The following NKAIN2 variants were observed in gnomAD, a reference collection of about 807,000 sequenced individuals.
NKAIN2 encodes the protein sodium/potassium transporting ATPase interacting 2.
Under a neutral mutation model 32.6 loss-of-function variants are expected in NKAIN2, and 14 were observed. That is an observed-to-expected ratio of 0.43 (90% CI 0.28 to 0.67). The LOEUF is 0.67. Ranked by LOEUF, NKAIN2 falls within the 30% of genes least tolerant of loss-of-function variation. NKAIN2 has a pLI of 0.17. For synonymous variants in NKAIN2, 80 were observed against 87.2 expected (o/e 0.92, Z 0.46); for missense variants, 198 against 258.3 (o/e 0.77, Z 1.60).
intron 1 of NKAIN2, among the ~76,000 whole-genome samples, chr6:123,920,726 T>A (rs1775713143): frequency 6.6e-6 from 1 of 152,212 alleles, no homozygotes; most frequent in South Asian, 2.1e-4. Context: ...CAACTTCAGA[T>A]AGGACCAAAA....
intron 4 of NKAIN2, among the ~76,000 whole-genome samples, chr6:124,706,866 G>C (rs1455689616): frequency 6.6e-6 from 1 of 151,822 alleles, no homozygotes; most frequent in East Asian, 1.9e-4. Flanking sequence ...TATACTTTAA[G>C]TTTTAGGGTA....
At chr6:124,342,476 C>A (rs139287771) in intron 2 of NKAIN2, among the ~76,000 whole-genome samples, 9 of 150,238 alleles carry the variant, frequency 6.0e-5, no homozygotes, top group Admixed American at 1.3e-4. Context: ...AATTCTAAAC[C>A]TTTTTCTTGC....
At chr6:124,287,635 A>C (rs1795616129) in intron 2 of NKAIN2, among the ~76,000 whole-genome samples, 1 of 152,174 alleles carries the variant, frequency 6.6e-6, no homozygotes, top group Non-Finnish European at 1.5e-5. Flanking sequence ...CTTGTATCTC[A>C]ATCACATCAA....
intron 1 of NKAIN2, among the ~76,000 whole-genome samples, chr6:124,261,567 A>G (rs1438771010): frequency 6.6e-6 from 1 of 152,138 alleles, no homozygotes; most frequent in East Asian, 1.9e-4. Context: ...TTGAGGTTTA[A>G]ATGGCAATTT....
chr6:124,344,345 G>C (rs1250700928), intron 2 of NKAIN2, among the ~76,000 whole-genome samples: 4 of 152,034 alleles, frequency 2.6e-5, no homozygotes, highest in Non-Finnish European at 4.4e-5. Context: ...GAATTTTAAA[G>C]TAGTTTTTTC....
intron 1 of NKAIN2, among the ~76,000 whole-genome samples, chr6:124,015,593 C>T (rs1780529894): frequency 1.3e-5 from 2 of 152,102 alleles, no homozygotes; most frequent in Admixed American, 1.3e-4. Context: ...ACAAAAACAC[C>T]GTGAGGTGCT....
chr6:124,194,684 C>A (rs192174253), intron 1 of NKAIN2, among the ~76,000 whole-genome samples: 1 of 152,108 alleles, frequency 6.6e-6, no homozygotes, highest in African/African-American at 2.4e-5. Flanking sequence ...GTACACGATG[C>A]TATATTATGT....
At chr6:124,002,706 C>T (rs930237131) in intron 1 of NKAIN2, among the ~76,000 whole-genome samples, 1 of 151,986 alleles carries the variant, frequency 6.6e-6, no homozygotes, top group Admixed American at 6.6e-5. Context: ...TTCTTTTACG[C>T]CTTTATTGCA....
intron 6 of NKAIN2, among the ~76,000 whole-genome samples, chr6:124,820,837 C>G (rs1389081891): frequency 6.6e-6 from 1 of 152,026 alleles, no homozygotes; most frequent in Non-Finnish European, 1.5e-5. Flanking sequence ...GAATCTAATG[C>G]CTGATGATCT....
intron 1 of NKAIN2, among the ~76,000 whole-genome samples, chr6:123,893,309 T>A (rs1013260971): frequency 6.6e-6 from 1 of 152,170 alleles, no homozygotes; most frequent in Admixed American, 6.5e-5. Context: ...CACATCATCC[T>A]CCTGTCTCAG....
At chr6:124,684,768 C>G (rs1389256098) in intron 4 of NKAIN2, among the ~76,000 whole-genome samples, 1 of 152,114 alleles carries the variant, frequency 6.6e-6, no homozygotes, top group African/African-American at 2.4e-5. Flanking sequence ...TGAGTGCTTA[C>G]TACATCTGGA....
At chr6:124,223,133 G>A (rs1473996899) in intron 1 of NKAIN2, among the ~76,000 whole-genome samples, 5 of 146,966 alleles carry the variant, frequency 3.4e-5, no homozygotes, top group East Asian at 4.0e-4. Flanking sequence ...GAATCATTTC[G>A]ACCCGGGAGG....
chr6:123,956,929 A>C (rs926832171), intron 1 of NKAIN2, among the ~76,000 whole-genome samples: 1 of 152,214 alleles, frequency 6.6e-6, no homozygotes, highest in African/African-American at 2.4e-5. Flanking sequence ...ATTATTATTT[A>C]TTAACTTTTA....
At chr6:124,008,975 T>G (rs1780201466) in intron 1 of NKAIN2, among the ~76,000 whole-genome samples, 2 of 152,172 alleles carry the variant, frequency 1.3e-5, no homozygotes, top group Admixed American at 1.3e-4. Context: ...CTCATGAGAT[T>G]TGGGCATGTA....
In NKAIN2 at chr6:124,575,892, G is replaced by T. The variant is rs564725701; in HGVS notation, c.274-82294G>T. 3.3e-5 allele frequency among the ~76,000 whole-genome samples: 5 copies of T among 152,268 alleles called. No homozygotes were observed. In the East Asian group the frequency reaches 9.7e-4, roughly 29 times the overall value. On this transcript the variant is annotated intron_variant, in intron 3 of 6. Transcript: ENST00000368417. ...AAAAATATTTTCTTTATAATGTTAAGATGTGACTTATCTTTTTCACAGTGT... is the reference window on the plus strand; with the variant it reads ...AAAAATATTTTCTTTATAATGTTAATATGTGACTTATCTTTTTCACAGTGT...
At chr6:123,848,231 C>A (rs943589985) in intron 1 of NKAIN2, among the ~76,000 whole-genome samples, 1 of 152,102 alleles carries the variant, frequency 6.6e-6, no homozygotes, top group Admixed American at 6.6e-5. Flanking sequence ...CCATACCCAG[C>A]AATGAGAGAC....
chr6:123,927,627 T>C (rs779627340), intron 1 of NKAIN2, among the ~76,000 whole-genome samples: 2 of 152,228 alleles, frequency 1.3e-5, no homozygotes, highest in South Asian at 2.1e-4. Flanking sequence ...AGAAAGGTGC[T>C]TATTTCTCTA....
chr6:124,818,906 C>G (rs1781283345), intron 6 of NKAIN2, among the ~76,000 whole-genome samples: 1 of 152,028 alleles, frequency 6.6e-6, no homozygotes, highest in Non-Finnish European at 1.5e-5. Flanking sequence ...AATAGGTTCA[C>G]CCTAGTTATA....
chr6:124,405,741 A>C (rs1773828455), intron 3 of NKAIN2, among the ~76,000 whole-genome samples: 1 of 152,102 alleles, frequency 6.6e-6, no homozygotes, highest in Non-Finnish European at 1.5e-5. Flanking sequence ...TCAGTGAAAG[A>C]GTGTGATATC....
Sources: gnomAD v4.1 joint callset for allele counts (sites outside exome capture counted in the v4.1 genomes callset) on GRCh38, gnomAD v4.1.1 for gene constraint, MANE v1.5 for transcripts, NCBI Gene and HGNC (gene_info 2026-07-23, HGNC 2026-07-21) for gene names.